Variants in CTNNA2 observed in about 807,000 individuals in gnomAD.
The protein encoded by CTNNA2 is catenin alpha 2.
In CTNNA2, 42 loss-of-function variants were observed where a neutral mutation model predicts 101.0. The ratio of observed to expected loss-of-function variants is 0.42; its 90% CI spans 0.32 to 0.54. The LOEUF is 0.54. CTNNA2 is among the 20% of genes least tolerant of loss of function. The pLI is 0.14. For missense variants in CTNNA2, 871 were observed against 1,223.1 expected, an observed-to-expected ratio of 0.71 and a Z score of 4.29; for synonymous variants, 450 against 456.4, an observed-to-expected ratio of 0.99 and a Z score of 0.18.
intron 3 of CTNNA2, among the ~76,000 whole-genome samples, chr2:79,852,240 C>T (rs962174916): frequency 9.9e-5 from 15 of 152,200 alleles, no homozygotes; most frequent in Non-Finnish European, 1.8e-4. Flanking sequence ...GCTAGCTCAT[C>T]GGATGTTGTC....
chr2:79,745,432 TA>T (rs544153701), intron 3 of CTNNA2, among the ~76,000 whole-genome samples: 82 of 146,076 alleles, frequency 5.6e-4, no homozygotes, highest in Middle Eastern at 3.5e-3. Flanking sequence ...CTCCATCTCT[TA>T]AAAAAAAAAA....
At chr2:79,237,525 A>G (rs1379802561) in intron 2 of CTNNA2, among the ~76,000 whole-genome samples, 1 of 152,208 alleles carries the variant, frequency 6.6e-6, no homozygotes, top group Non-Finnish European at 1.5e-5. Flanking sequence ...TGAAAGCTTT[A>G]AAACTGAACA....
In CTNNA2 at chr2:80,302,419, C is replaced by T. The variant is rs750764893; in HGVS notation, c.1057-90792C>T. On this transcript the variant is annotated intron_variant, in intron 7 of 18. Transcript: ENST00000402739. The surrounding 1 kb of genome is among the most constrained non-coding windows in gnomAD (Gnocchi z 6.4). ...TCTGTTTCTGCTTTTGCTTCCTGCG[C>T]TGCGTGACAAAGCACTGTCTGAGCT... 1 of 1,614,262 alleles carries T rather than the reference C, an allele frequency of 6.2e-7. No homozygotes were observed. Among genetic ancestry groups the T allele is most frequent in the Middle Eastern group, 1.6e-4 (1 of 6,062 alleles).
chr2:79,977,257 C>T (rs1011337199), intron 7 of CTNNA2, among the ~76,000 whole-genome samples: 5 of 151,408 alleles, frequency 3.3e-5, no homozygotes. Flanking sequence ...CACACACACA[C>T]TGGTTCTCAC....
At chr2:79,215,780 A>G (rs1364027048) in intron 2 of CTNNA2, among the ~76,000 whole-genome samples, 2 of 152,172 alleles carry the variant, frequency 1.3e-5, no homozygotes, top group Admixed American at 6.5e-5. Context: ...AGGGCTAGTC[A>G]CAGAACGAAA....
At chr2:80,490,510 T>G (rs1559152551) in intron 9 of CTNNA2, among the ~76,000 whole-genome samples, 1 of 152,164 alleles carries the variant, frequency 6.6e-6, no homozygotes, top group Non-Finnish European at 1.5e-5. Flanking sequence ...TAGATTTTTT[T>G]TAACTATTCA....
intron 7 of CTNNA2, among the ~76,000 whole-genome samples, chr2:80,138,033 G>A (rs1043357381): frequency 2.6e-5 from 4 of 152,102 alleles, no homozygotes; most frequent in African/African-American, 4.8e-5. Flanking sequence ...AAGATTAGGT[G>A]TGGAAAATAA....
At chr2:79,986,106 T>G (rs1691741601) in intron 7 of CTNNA2, among the ~76,000 whole-genome samples, 1 of 152,216 alleles carries the variant, frequency 6.6e-6, no homozygotes, top group African/African-American at 2.4e-5. Context: ...GCCAAAATTT[T>G]AACAACTAAC....
At chr2:79,745,217 G>C (rs572770955) in intron 3 of CTNNA2, among the ~76,000 whole-genome samples, 1 of 152,244 alleles carries the variant, frequency 6.6e-6, no homozygotes, top group South Asian at 2.1e-4. Flanking sequence ...GATTGCCTGA[G>C]CTCAGGAGTT....
chr2:80,059,628 C>G (rs569732545), intron 7 of CTNNA2, among the ~76,000 whole-genome samples: 29 of 152,218 alleles, frequency 1.9e-4, no homozygotes, highest in Non-Finnish European at 3.8e-4. Context: ...CCATTTCTCC[C>G]CATCAGCGTG....
intron 2 of CTNNA2, among the ~76,000 whole-genome samples, chr2:79,279,253 G>A (rs754218991): frequency 1.4e-4 from 21 of 152,058 alleles, no homozygotes; most frequent in Non-Finnish European, 2.2e-4. Flanking sequence ...AGTAACTGGG[G>A]TTGTGTGCCC....
intron 7 of CTNNA2, among the ~76,000 whole-genome samples, chr2:80,095,665 T>C (rs1428167437): frequency 2.0e-5 from 3 of 152,224 alleles, no homozygotes; most frequent in Non-Finnish European, 4.4e-5. Flanking sequence ...CTATTAATTG[T>C]TGCTTCAATT....
chr2:79,538,317 C>T (rs576859778), intron 1 of CTNNA2, among the ~76,000 whole-genome samples: 20 of 152,002 alleles, frequency 1.3e-4, no homozygotes, highest in African/African-American at 3.9e-4. Context: ...AACCTTATAC[C>T]GCCTGTAATT....
intron 4 of CTNNA2, among the ~76,000 whole-genome samples, chr2:79,444,088 C>A (rs571502132): frequency 6.6e-6 from 1 of 152,136 alleles, no homozygotes; most frequent in South Asian, 2.1e-4. Flanking sequence ...AAGCTGATAT[C>A]TCTACAGTTG....
intron 3 of CTNNA2, among the ~76,000 whole-genome samples, chr2:79,315,968 T>A (rs555710252): frequency 5.3e-4 from 80 of 152,264 alleles, no homozygotes; most frequent in Admixed American, 1.1e-3. Flanking sequence ...ATGATGTCTT[T>A]TCAAGGACAA....
chr2:79,287,910 C>A (rs7572562), intron 2 of CTNNA2, among the ~76,000 whole-genome samples: 20,533 of 152,268 alleles, frequency 0.13, 1,554 homozygotes, highest in Middle Eastern at 0.2. Flanking sequence ...ACTCCACGGG[C>A]GTCGGACCCT....
intron 18 of CTNNA2, among the ~76,000 whole-genome samples, chr2:80,620,977 T>A (rs2149807222): frequency 6.6e-6 from 1 of 152,124 alleles, no homozygotes; most frequent in South Asian, 2.1e-4. Flanking sequence ...GTTCAGTGTT[T>A]TTTAAATTCA....
chr2:80,383,440 A>G (rs1676697585), intron 7 of CTNNA2, among the ~76,000 whole-genome samples: 1 of 152,116 alleles, frequency 6.6e-6, no homozygotes, highest in African/African-American at 2.4e-5. Context: ...GGCACATTCT[A>G]CTCACAAAAA....
chr2:80,173,229 G>A (rs1705182451), intron 7 of CTNNA2, among the ~76,000 whole-genome samples: 1 of 152,176 alleles, frequency 6.6e-6, no homozygotes, highest in African/African-American at 2.4e-5. Context: ...GTCACGTTTA[G>A]TGCACAGCCA....
Sources: allele counts gnomAD v4.1 joint callset (sites outside exome capture counted in the v4.1 genomes callset), GRCh38; gene constraint gnomAD v4.1.1; non-coding constraint Gnocchi (gnomAD v3.1); transcripts MANE v1.5; gene names NCBI Gene and HGNC (gene_info 2026-07-23, HGNC 2026-07-21).